TRDN: variants seen among roughly 807,000 people sequenced by gnomAD.
The protein encoded by TRDN is triadin in skeletal muscle.
In TRDN, 161 loss-of-function variants were observed where a neutral mutation model predicts 149.7. That is an observed-to-expected ratio of 1.08 (90% CI 0.95 to 1.23). The LOEUF is 1.23. Among genes scored for constraint, TRDN ranks in the 50% most tolerant of loss-of-function variants. The probability of loss-of-function intolerance (pLI) is 0.00; values close to 1 mark genes in which losing one functional copy is unlikely to be tolerated. For missense variants in TRDN, 896 were observed against 823.5 expected, an observed-to-expected ratio of 1.09 and a Z score of -1.08; for synonymous variants, 294 against 250.5, an observed-to-expected ratio of 1.17 and a Z score of -1.64.
chr6:123,568,578 C>G (rs1262638829), intron 2 of TRDN, among the ~76,000 whole-genome samples: 1 of 152,254 alleles, frequency 6.6e-6, no homozygotes, highest in Non-Finnish European at 1.5e-5. Context: ...AACTCTTGCA[C>G]TCTGCATGGC....
chr6:123,435,288 G>T (rs1007603229), intron 12 of TRDN, among the ~76,000 whole-genome samples: 12 of 151,810 alleles, frequency 7.9e-5, no homozygotes, highest in Admixed American at 2.0e-4. Context: ...TCTACTTTAG[G>T]AAGAAATGAC....
At chr6:123,546,521 T>G (rs1368106122) in intron 4 of TRDN, among the ~76,000 whole-genome samples, 9 of 152,096 alleles carry the variant, frequency 5.9e-5, no homozygotes, top group Admixed American at 5.9e-4. Flanking sequence ...CTCAACAGCC[T>G]GCCCATGTGT....
At chr6:123,284,452 T>G (rs1777728810) in intron 24 of TRDN, among the ~76,000 whole-genome samples, 1 of 151,910 alleles carries the variant, frequency 6.6e-6, no homozygotes, top group Admixed American at 6.6e-5. Context: ...AAGCATTTGA[T>G]AAAATCCAGC....
intron 24 of TRDN, among the ~76,000 whole-genome samples, chr6:123,316,080 G>A (rs957759217): frequency 9.2e-5 from 14 of 151,838 alleles, no homozygotes; most frequent in African/African-American, 2.4e-4. Context: ...CTCAATCCAT[G>A]ATAATAATAA....
intron 4 of TRDN, among the ~76,000 whole-genome samples, chr6:123,540,865 A>T (rs1335027986): frequency 6.6e-6 from 1 of 152,186 alleles, no homozygotes; most frequent in Non-Finnish European, 1.5e-5. Flanking sequence ...TTAAGACATC[A>T]CTTGAATCTG....
At chr6:123,238,779 AC>A (rs1441569065) in intron 38 of TRDN, among the ~76,000 whole-genome samples, 1 of 152,180 alleles carries the variant, frequency 6.6e-6, no homozygotes, top group Non-Finnish European at 1.5e-5. Context: ...TAAAATATTA[AC>A]CAAAAGAAAG....
At chr6:123,223,672 T>TCTTCCTTCCTTCCTTCCTTCCTTCCTTC (rs59071931) in intron 39 of TRDN, among the ~76,000 whole-genome samples, 5 of 105,790 alleles carry the variant, frequency 4.7e-5, no homozygotes, top group East Asian at 3.3e-4. Flanking sequence ...GCCTTCCATT[T>TCTTCCTTCCTTCCTTCCTTCCTTCCTTC]CTTCCTTCCT....
chr6:123,614,406 C>G (rs1784982510), intron 1 of TRDN, among the ~76,000 whole-genome samples: 1 of 149,174 alleles, frequency 6.7e-6, no homozygotes, highest in African/African-American at 2.5e-5. Context: ...CAATGTTATT[C>G]TAGAATAGAA....
At position 123,534,527 on chromosome 6, in the gene TRDN, A is replaced by G. The variant is rs562654317; in HGVS notation, c.425-3962T>C. On this transcript the variant is annotated intron_variant, in intron 4 of 40. Coordinates refer to ENST00000334268, the MANE Select transcript of TRDN (RefSeq NM_006073.4). The stretch of plus-strand genomic sequence containing the variant: ...ATGATGCTATTCAAGCTCCTGTCCA[A>G]TTCAGTAACATGTTACTAATTTAGA... 3.9e-5 allele frequency among the ~76,000 whole-genome samples: 6 copies of G among 152,256 alleles called. No homozygotes were observed. In the South Asian group the frequency reaches 1.2e-3, roughly 32 times the overall value.
intron 13 of TRDN, among the ~76,000 whole-genome samples, chr6:123,390,667 G>T (rs1400448969): frequency 6.6e-6 from 1 of 152,032 alleles, no homozygotes; most frequent in Non-Finnish European, 1.5e-5. Flanking sequence ...TTTCTAGAAC[G>T]GTTTTGTAGC....
intron 21 of TRDN, among the ~76,000 whole-genome samples, chr6:123,343,263 T>C (rs1255079740): frequency 6.6e-6 from 1 of 152,054 alleles, no homozygotes; most frequent in Non-Finnish European, 1.5e-5. Flanking sequence ...ATTTATTTTT[T>C]ATAATAACTT....
chr6:123,302,387 A>G (rs1778460053), intron 24 of TRDN, among the ~76,000 whole-genome samples: 2 of 152,166 alleles, frequency 1.3e-5, no homozygotes, highest in African/African-American at 4.8e-5. Context: ...TCAAATAAAC[A>G]CACAGGTAAG....
At chr6:123,242,336 G>A (rs529807266) in intron 38 of TRDN, among the ~76,000 whole-genome samples, 2 of 151,672 alleles carry the variant, frequency 1.3e-5, no homozygotes, top group East Asian at 1.9e-4. Context: ...TAAGAATGTG[G>A]GATTTTTTTG....
At chr6:123,576,994 T>C (rs776956721) in intron 1 of TRDN, among the ~76,000 whole-genome samples, 97 of 151,914 alleles carry the variant, frequency 6.4e-4, no homozygotes, top group African/African-American at 2.0e-3. Flanking sequence ...AAATGCCAAC[T>C]TCATAAGGTA....
intron 1 of TRDN, among the ~76,000 whole-genome samples, chr6:123,626,250 G>A (rs1785656225): frequency 6.6e-6 from 1 of 152,140 alleles, no homozygotes; most frequent in African/African-American, 2.4e-5. Context: ...GGGAGGCCAA[G>A]GTGGGTGGAT....
intron 9 of TRDN, among the ~76,000 whole-genome samples, chr6:123,495,543 A>G (rs1180651546): frequency 6.6e-6 from 1 of 150,706 alleles, no homozygotes; most frequent in Non-Finnish European, 1.5e-5. Context: ...AAAATAAAAA[A>G]TTTGTACAGA....
rs181523444 is a variant in TRDN, at chr6:123,350,049, T to C, written c.1369+2490A>G. On this transcript the variant is annotated intron_variant, in intron 21 of 40. Coordinates refer to ENST00000334268, the MANE Select transcript of TRDN (RefSeq NM_006073.4). ...CTTAATTTAAGGCAAAGTTGAATAT[T>C]TTATTATAGTGAACTCTGATACATT... 5 of 983,990 alleles carry C rather than the reference T, an allele frequency of 5.1e-6. No homozygotes were observed. The East Asian group carries it at 4.5e-4, about 89-fold the overall frequency. 61.0% of individuals were successfully genotyped at this position (983,990 alleles called of 1,614,324 possible).
At chr6:123,369,102 C>A (rs561063376) in intron 19 of TRDN, among the ~76,000 whole-genome samples, 35 of 152,232 alleles carry the variant, frequency 2.3e-4, no homozygotes, top group African/African-American at 8.2e-4. Context: ...GGGAAGAATC[C>A]TTCCTTGCCT....
intron 38 of TRDN, among the ~76,000 whole-genome samples, chr6:123,250,918 C>T (rs1464955601): frequency 6.6e-6 from 1 of 152,106 alleles, no homozygotes; most frequent in African/African-American, 2.4e-5. Flanking sequence ...CAACACTACA[C>T]CTCAACTTCA....
Sources: allele counts gnomAD v4.1 joint callset (sites outside exome capture counted in the v4.1 genomes callset), GRCh38; gene constraint gnomAD v4.1.1; transcripts MANE v1.5; gene names NCBI Gene and HGNC (gene_info 2026-07-23, HGNC 2026-07-21).